Variants in KLF8 observed in about 807,000 individuals in gnomAD.
KLF8 encodes KLF transcription factor 8.
KLF8 carries 10 observed loss-of-function variants against 18.2 expected under a neutral mutation model. That is an observed-to-expected ratio of 0.55 (90% CI 0.34 to 0.93). KLF8 has a LOEUF of 0.93. Among genes scored for constraint, KLF8 ranks in the 40% least tolerant of loss-of-function variants. The pLI, the probability that KLF8 is intolerant of heterozygous loss-of-function variation, is 0.02. For missense variants in KLF8, 264 were observed against 277.9 expected, an observed-to-expected ratio of 0.95 and a Z score of 0.36; for synonymous variants, 109 against 97.3, an observed-to-expected ratio of 1.12 and a Z score of -0.71.
At chrX:56,160,646 GC>G in the KLF8 span, among the ~76,000 whole-genome samples, 3 of 111,391 alleles carry the variant, frequency 2.7e-5, no homozygotes, top group African/African-American at 9.8e-5. Context: ...TTATGTAATG[GC>G]CTTCTTTGTC....
the KLF8 span, among the ~76,000 whole-genome samples, chrX:56,057,399 G>T: frequency 2.7e-5 from 3 of 111,388 alleles, no homozygotes; most frequent in African/African-American, 9.8e-5. Context: ...ATGCATAGAG[G>T]TGCACTGACA....
the KLF8 span, among the ~76,000 whole-genome samples, chrX:56,040,029 C>T: frequency 4.5e-5 from 5 of 110,628 alleles, no homozygotes; most frequent in African/African-American, 1.6e-4. Context: ...CTCTGCTTGC[C>T]TGTTATTGGT....
the KLF8 span, among the ~76,000 whole-genome samples, chrX:56,102,024 T>G: frequency 9.0e-6 from 1 of 111,590 alleles, no homozygotes; most frequent in Non-Finnish European, 1.9e-5. Context: ...AATTATTTCC[T>G]GAGACTGGTA....
chrX:56,158,751 T>C, the KLF8 span, among the ~76,000 whole-genome samples: 47 of 112,394 alleles, frequency 4.2e-4, no homozygotes, highest in Middle Eastern at 4.6e-3. Context: ...CCTGAGACTT[T>C]GCTGAAGTTG....
the KLF8 span, among the ~76,000 whole-genome samples, chrX:55,939,448 A>G: frequency 8.9e-6 from 1 of 111,837 alleles, no homozygotes; most frequent in African/African-American, 3.3e-5. Context: ...TTGACACCCT[A>G]ACATCACAAT....
At chrX:56,065,023 T>C in the KLF8 span, among the ~76,000 whole-genome samples, 4 of 111,669 alleles carry the variant, frequency 3.6e-5, no homozygotes, top group Admixed American at 9.5e-5. Context: ...TTTTTAGAAT[T>C]CTCTCTTTGA....
the KLF8 span, among the ~76,000 whole-genome samples, chrX:56,185,192 G>T: frequency 8.9e-6 from 1 of 112,350 alleles, no homozygotes; most frequent in African/African-American, 3.2e-5. Context: ...AGCGGATGGA[G>T]CTGAAAGCCA....
chrX:56,187,707 G>A, the KLF8 span, among the ~76,000 whole-genome samples: 1 of 110,611 alleles, frequency 9.0e-6, no homozygotes, highest in African/African-American at 3.3e-5. Flanking sequence ...TGGGATGCAA[G>A]GCTGATTCAA....
At chrX:55,928,785 G>C in the KLF8 span, among the ~76,000 whole-genome samples, 2 of 112,020 alleles carry the variant, frequency 1.8e-5, no homozygotes, top group African/African-American at 6.5e-5. Flanking sequence ...GGGCATTTGG[G>C]TTGGTTCCAG....
At chrX:56,185,768 C>A in the KLF8 span, among the ~76,000 whole-genome samples, 2 of 111,622 alleles carry the variant, frequency 1.8e-5, no homozygotes, top group African/African-American at 6.5e-5. Flanking sequence ...CATATCCAGC[C>A]AAACTAAGCT....
intron 1 of KLF8, among the ~76,000 whole-genome samples, chrX:56,237,419 T>TTGTG (rs1156789275): frequency 9.4e-6 from 1 of 106,920 alleles, no homozygotes; most frequent in Non-Finnish European, 1.9e-5. Flanking sequence ...GTGTGTGTGT[T>TTGTG]TGTGTGTGTG....
rs1014523520 is a variant in KLF8, at chrX:56,289,704, A to G, written c.*5210A>G. Among the ~76,000 whole-genome samples the G allele has an allele frequency of 9.0e-6, 1 of 111,466 alleles. No individual in the cohort carries two copies. Among genetic ancestry groups the G allele is most frequent in the African/African-American group, 3.3e-5 (1 of 30,636 alleles). On this transcript the variant is annotated 3_prime_UTR_variant, in exon 6 of 6. Transcript: ENST00000468660. ...TGTCATCTATTTACTTAATTTTTCA[A>G]ATTCAGTGTGCACATATAGCAGTAT...
At chrX:56,166,005 G>T in the KLF8 span, among the ~76,000 whole-genome samples, 2 of 111,359 alleles carry the variant, frequency 1.8e-5, no homozygotes, top group African/African-American at 6.5e-5. Context: ...TTTGTTTTTG[G>T]TAAAATATCT....
chrX:55,937,775 C>G, the KLF8 span, among the ~76,000 whole-genome samples: 2 of 111,305 alleles, frequency 1.8e-5, no homozygotes, highest in Non-Finnish European at 3.8e-5. Flanking sequence ...AGAGTATCAG[C>G]GATGGAAGAT....
the KLF8 span, among the ~76,000 whole-genome samples, chrX:56,053,698 T>C: frequency 2.9e-4 from 32 of 110,255 alleles, no homozygotes; most frequent in African/African-American, 1.0e-3. Flanking sequence ...ATTATTGGTG[T>C]GTTCAGAGAT....
chrX:56,008,601 T>G, the KLF8 span, among the ~76,000 whole-genome samples: 3 of 112,156 alleles, frequency 2.7e-5, no homozygotes, highest in Admixed American at 1.9e-4. Context: ...AGATTATCAG[T>G]GGCCACTTGG....
chrX:56,131,616 TG>T, the KLF8 span, among the ~76,000 whole-genome samples: 32 of 111,425 alleles, frequency 2.9e-4, no homozygotes, highest in African/African-American at 9.8e-4. Flanking sequence ...GCATGATAAA[TG>T]GAATACTACC....
chrX:56,197,450 C>T, the KLF8 span, among the ~76,000 whole-genome samples: 46 of 111,783 alleles, frequency 4.1e-4, no homozygotes, highest in Admixed American at 3.6e-3. Context: ...TCAGAGAATA[C>T]TACAAACACC....
the KLF8 span, among the ~76,000 whole-genome samples, chrX:56,089,421 T>A: frequency 8.9e-6 from 1 of 112,114 alleles, no homozygotes; most frequent in African/African-American, 3.2e-5. Context: ...ATAATTCAAG[T>A]CTGTGCACCC....
Sources: gnomAD v4.1 joint callset for allele counts (sites outside exome capture counted in the v4.1 genomes callset) on GRCh38, gnomAD v4.1.1 for gene constraint, MANE v1.5 for transcripts, NCBI Gene and HGNC (gene_info 2026-07-23, HGNC 2026-07-21) for gene names.